Variants in SPATA17 observed in about 807,000 individuals in gnomAD.
SPATA17 encodes the protein spermatogenesis associated 17, also known as spermatogenesis-associated protein 17.
A neutral mutation model predicts 62.2 loss-of-function variants in SPATA17; 53 were observed. The ratio of observed to expected loss-of-function variants is 0.85; its 90% CI spans 0.68 to 1.07. The LOEUF is 1.07. SPATA17 is among the 50% of genes least tolerant of loss of function. The pLI is 0.00. For synonymous variants in SPATA17, 146 were observed against 146.8 expected (o/e 0.99, Z 0.04); for missense variants, 466 against 425.5 (o/e 1.10, Z -0.84).
chr1:217,868,151 A>G lies in SPATA17; in HGVS notation c.*1132A>G, dbSNP rs1340155846. 1 of 152,214 alleles carries G rather than the reference A, an allele frequency of 6.6e-6. No individual in the cohort carries two copies. Among genetic ancestry groups the G allele is most frequent in the Admixed American group, 6.5e-5 (1 of 15,268 alleles). 9.4% of individuals were successfully genotyped at this position (152,214 alleles called of 1,614,324 possible). A position where few individuals can be genotyped will look rare whatever the true frequency, so the allele number is the denominator to read the frequency against. On this transcript the variant is annotated 3_prime_UTR_variant, in exon 11 of 11. Transcript: ENST00000366933. ...GTAAAATAAAAGATCTTTTGAAACA[A>G]TTGGAAGTTTGAACACTGATTGGAT...
At chr1:217,768,659 A>AT (rs1453376655) in intron 6 of SPATA17, among the ~76,000 whole-genome samples, 1 of 151,560 alleles carries the variant, frequency 6.6e-6, no homozygotes, top group African/African-American at 2.4e-5. Flanking sequence ...CACCCAGCTA[A>AT]TTTTTTGTAT....
intron 3 of SPATA17, among the ~76,000 whole-genome samples, chr1:217,658,407 G>A (rs1043803517): frequency 4.3e-4 from 66 of 152,236 alleles, no homozygotes; most frequent in African/African-American, 1.5e-3. Flanking sequence ...CACTAGAAGC[G>A]GAGCAGATGC....
chr1:217,840,106 G>T lies in SPATA17; in HGVS notation c.1006-22668G>T, dbSNP rs546320492. Reference sequence around the variant, plus strand: ...TGTTACTAAGAGTTAATAACTATTGGACACCCACTATGTGCACAGTAATGT... The same window carrying T: ...TGTTACTAAGAGTTAATAACTATTGTACACCCACTATGTGCACAGTAATGT... On this transcript the variant is annotated intron_variant, in intron 9 of 10. Transcript: ENST00000366933. Among the ~76,000 whole-genome samples, 255 of 152,164 alleles carry T rather than the reference G, an allele frequency of 1.7e-3. 1 individual carries two copies. Among genetic ancestry groups the T allele is most frequent in the Admixed American group, 3.1e-3 (48 of 15,252 alleles).
At chr1:217,771,494 G>T (rs1354474902) in intron 6 of SPATA17, among the ~76,000 whole-genome samples, 1 of 151,986 alleles carries the variant, frequency 6.6e-6, no homozygotes. Flanking sequence ...AGTATGTTAA[G>T]GTTGTTGTAT....
At chr1:217,734,271 A>G (rs189326947) in intron 5 of SPATA17, among the ~76,000 whole-genome samples, 2 of 152,348 alleles carry the variant, frequency 1.3e-5, no homozygotes, top group Admixed American at 6.5e-5. Context: ...AGAGCAGACA[A>G]TTGTTAGAGA....
intron 5 of SPATA17, among the ~76,000 whole-genome samples, chr1:217,719,785 G>A (rs1458180617): frequency 6.6e-6 from 1 of 152,170 alleles, no homozygotes; most frequent in Non-Finnish European, 1.5e-5. Flanking sequence ...GAAAAGTTTG[G>A]AAGAGCCTCT....
At chr1:217,835,158 T>A (rs930615431) in intron 9 of SPATA17, among the ~76,000 whole-genome samples, 1 of 152,170 alleles carries the variant, frequency 6.6e-6, no homozygotes, top group African/African-American at 2.4e-5. Context: ...AATGTATCCC[T>A]GTTGTTAAGG....
chr1:217,721,856 G>A (rs1021975648), intron 5 of SPATA17, among the ~76,000 whole-genome samples: 2 of 152,140 alleles, frequency 1.3e-5, no homozygotes, highest in African/African-American at 4.8e-5. Flanking sequence ...ACCCAAGTAG[G>A]TAGGAACACA....
intron 9 of SPATA17, among the ~76,000 whole-genome samples, chr1:217,834,008 A>G (rs1386657456): frequency 6.6e-6 from 1 of 152,282 alleles, no homozygotes; most frequent in South Asian, 2.1e-4. Flanking sequence ...AGAGAGCAGA[A>G]GCTAAAGTTA....
intron 6 of SPATA17, among the ~76,000 whole-genome samples, chr1:217,773,078 G>A (rs1236732231): frequency 1.3e-5 from 2 of 152,142 alleles, no homozygotes; most frequent in Admixed American, 6.6e-5. Context: ...ATAGGATATT[G>A]CATTTGGGAT....
intron 8 of SPATA17, among the ~76,000 whole-genome samples, chr1:217,793,223 T>TG (rs1674046198): frequency 2.8e-5 from 4 of 144,200 alleles, no homozygotes; most frequent in South Asian, 2.3e-4. Context: ...TGGTTTTTGT[T>TG]TTTTTTTTTT....
intron 9 of SPATA17, among the ~76,000 whole-genome samples, chr1:217,829,352 G>A (rs1279751917): frequency 2.0e-5 from 3 of 151,972 alleles, no homozygotes; most frequent in Non-Finnish European, 4.4e-5. Flanking sequence ...ATTCGGTCGG[G>A]CATGGTGGTT....
At chr1:217,752,019 A>G (rs569740985) in intron 6 of SPATA17, among the ~76,000 whole-genome samples, 1 of 152,272 alleles carries the variant, frequency 6.6e-6, no homozygotes, top group Non-Finnish European at 1.5e-5. Context: ...CAAAGTTTCA[A>G]ATAAAAGAGG....
intron 9 of SPATA17, among the ~76,000 whole-genome samples, chr1:217,825,990 T>A (rs191131588): frequency 6.6e-5 from 10 of 152,284 alleles, no homozygotes; most frequent in Non-Finnish European, 1.2e-4. Flanking sequence ...TCTAGCTGGC[T>A]TTTGTTATAT....
At chr1:217,744,618 A>G (rs1019168129) in intron 6 of SPATA17, among the ~76,000 whole-genome samples, 1 of 152,112 alleles carries the variant, frequency 6.6e-6, no homozygotes, top group Non-Finnish European at 1.5e-5. Context: ...TCTTTATACC[A>G]TATAAGCTGC....
intron 3 of SPATA17, among the ~76,000 whole-genome samples, chr1:217,658,379 A>C (rs1282302636): frequency 6.6e-6 from 1 of 152,194 alleles, no homozygotes; most frequent in Non-Finnish European, 1.5e-5. Context: ...CACCATGAGT[A>C]AAAGCTTCCT....
At chr1:217,836,253 ATG>A (rs1675256447) in intron 9 of SPATA17, among the ~76,000 whole-genome samples, 1 of 152,128 alleles carries the variant, frequency 6.6e-6, no homozygotes, top group Non-Finnish European at 1.5e-5. Flanking sequence ...GCAAAACCAA[ATG>A]TGTTTCCAAG....
chr1:217,787,227 G>T (rs540220069), intron 8 of SPATA17, among the ~76,000 whole-genome samples: 11 of 152,050 alleles, frequency 7.2e-5, no homozygotes, highest in African/African-American at 2.7e-4. Flanking sequence ...CTTCAACCTG[G>T]TCTACCTAGT....
rs558729405 is a variant in SPATA17 at position 217,869,210 on chromosome 1, G to C, written c.*2191G>C. On this transcript the variant is annotated 3_prime_UTR_variant, in exon 11 of 11. Transcript: ENST00000366933. ...TGCCTCAAACTTGAAACAAGAGAAT[G>C]GGGGGTGGGAGGATGTGGGAGATGC... 6.6e-6 allele frequency: 1 copy of C among 152,506 alleles called. No individual in the cohort carries two copies. Among genetic ancestry groups the C allele is most frequent in the Non-Finnish European group, 1.5e-5 (1 of 68,308 alleles). The allele number at this position is 152,506 out of a possible 1,614,324, so 9.4% of individuals were successfully genotyped here. A position where few individuals can be genotyped will look rare whatever the true frequency, so the allele number is the denominator to read the frequency against.
Sources: gnomAD v4.1 joint callset for allele counts (sites outside exome capture counted in the v4.1 genomes callset) on GRCh38, gnomAD v4.1.1 for gene constraint, MANE v1.5 for transcripts, NCBI Gene and HGNC (gene_info 2026-07-23, HGNC 2026-07-21) for gene names.